TTLL5: variants seen among roughly 807,000 people sequenced by gnomAD.
The protein encoded by TTLL5 is tubulin polyglutamylase TTLL5.
A neutral mutation model predicts 168.4 loss-of-function variants in TTLL5; 132 were observed. The ratio of observed to expected loss-of-function variants is 0.78; its 90% CI spans 0.68 to 0.91. The LOEUF (loss-of-function observed/expected upper bound fraction) is 0.91. Ranked by LOEUF, TTLL5 falls within the 40% of genes least tolerant of loss-of-function variation. The pLI is 0.00. For synonymous variants in TTLL5, 546 were observed against 558.6 expected (o/e 0.98, Z 0.32); for missense variants, 1,545 against 1,581.5 (o/e 0.98, Z 0.39).
intron 3 of TTLL5, 44 bp downstream of exon 3, chr14:75,669,566 C>T (rs1371084662): frequency 3.9e-6 from 6 of 1,547,404 alleles, no homozygotes; most frequent in Admixed American, 3.7e-5. Flanking sequence ...GGGCATGGCC[C>T]AGACGTCCTT....
At chr14:75,901,047 A>G (rs145424583) in intron 30 of TTLL5, among the ~76,000 whole-genome samples, 2 of 152,232 alleles carry the variant, frequency 1.3e-5, no homozygotes, top group Non-Finnish European at 2.9e-5. Context: ...AAAACAAAGA[A>G]CTGAGCATGT....
intron 31 of TTLL5, among the ~76,000 whole-genome samples, chr14:75,940,084 T>C (rs2034552240): frequency 3.5e-5 from 5 of 142,914 alleles, no homozygotes; most frequent in Admixed American, 2.1e-4. Context: ...AATCTTTTTT[T>C]TTTTTTTTTT....
In TTLL5 at chr14:75,771,844, A is replaced by T. The variant is rs1245235086; in HGVS notation, c.2126A>T (p.Asp709Val). 1.2e-6 allele frequency: 2 copies of T among 1,613,314 alleles called. No individual in the cohort carries two copies. Among genetic ancestry groups the T allele is most frequent in the South Asian group, 1.1e-5 (1 of 90,966 alleles). Residue 709 changes from aspartate (D) to valine (V), a missense_variant, in exon 21 of 32, where the codon GAT (aspartate) becomes GTT (valine). Physicochemically the swap from Asp to Val is radical, Grantham distance 152 (BLOSUM62 -3). Transcript: ENST00000298832. ...TFSASWAAKE[D>V]EQMELVVRFL... is the part of the protein sequence containing the mutation. ...AGTGCCAGTTGGGCTGCCAAAGAGGATGAACAGATGGTAAGGCTTTTCTTA... is the reference window on the plus strand; with the variant it reads ...AGTGCCAGTTGGGCTGCCAAAGAGGTTGAACAGATGGTAAGGCTTTTCTTA...
At chr14:75,953,312 A>G (rs1303918044) in intron 31 of TTLL5, among the ~76,000 whole-genome samples, 8 of 152,230 alleles carry the variant, frequency 5.3e-5, no homozygotes, top group Admixed American at 4.6e-4. Flanking sequence ...TGTAAATTGT[A>G]TAATCACTTT....
chr14:75,819,664 G>T (rs959140651), intron 27 of TTLL5, among the ~76,000 whole-genome samples: 2 of 152,110 alleles, frequency 1.3e-5, no homozygotes, highest in African/African-American at 4.8e-5. Context: ...AGGTAACAAG[G>T]GCAGAAAGAC....
intron 26 of TTLL5, among the ~76,000 whole-genome samples, chr14:75,790,306 A>G (rs1892623478): frequency 6.6e-6 from 1 of 152,168 alleles, no homozygotes; most frequent in South Asian, 2.1e-4. Flanking sequence ...GTGTAAGTCA[A>G]TAAGAAAAAG....
chr14:75,697,317 G>A (rs1248656299), intron 6 of TTLL5, among the ~76,000 whole-genome samples: 1 of 152,194 alleles, frequency 6.6e-6, no homozygotes, highest in Non-Finnish European at 1.5e-5. Context: ...TTATAACACA[G>A]CATTGAAAAT....
chr14:75,692,884 A>G (rs1480522823), intron 6 of TTLL5, among the ~76,000 whole-genome samples: 1 of 152,124 alleles, frequency 6.6e-6, no homozygotes, highest in East Asian at 1.9e-4. Context: ...TGCAGGTGGC[A>G]GTTGTAAGAG....
intron 5 of TTLL5, among the ~76,000 whole-genome samples, chr14:75,688,714 C>A (rs1885242706): frequency 6.6e-6 from 1 of 152,100 alleles, no homozygotes; most frequent in Admixed American, 6.5e-5. Flanking sequence ...TTAGAGGACA[C>A]CCACTGCAAG....
Position 75,754,500 on chromosome 14 carries a change from TG to T in TTLL5, c.1550+1547del, listed in dbSNP as rs367715942. On this transcript the variant is annotated intron_variant, in intron 18 of 31. Coordinates refer to ENST00000298832, the MANE Select transcript of TTLL5 (RefSeq NM_015072.5). ...CTGACATGGACACTGCACTTGAGGC[TG>T]GATCTTTCTATACTTGAATTTCCCA... is the stretch of plus-strand genomic sequence containing the variant. 1.9e-3 allele frequency among the ~76,000 whole-genome samples: 291 copies of T among 152,318 alleles called. 1 individual carries two copies. The highest frequency in any genetic ancestry group is 6.7e-3 in the African/African-American group (280 of 41,576).
chr14:75,726,187 G>GA (rs1390127542), intron 12 of TTLL5, among the ~76,000 whole-genome samples: 1 of 152,076 alleles, frequency 6.6e-6, no homozygotes. Flanking sequence ...ATTTTCTTGA[G>GA]AAAATCTTTA....
intron 28 of TTLL5, among the ~76,000 whole-genome samples, chr14:75,827,598 T>C (rs143392085): frequency 8.0e-4 from 122 of 151,946 alleles, no homozygotes; most frequent in African/African-American, 1.9e-3. Context: ...ACCATTCGTA[T>C]GCTTCAGGAG....
At chr14:75,770,670 G>T (rs1295129540) in intron 20 of TTLL5, among the ~76,000 whole-genome samples, 4 of 152,214 alleles carry the variant, frequency 2.6e-5, no homozygotes, top group African/African-American at 4.8e-5. Context: ...CCAAACTATA[G>T]CTTGATCAGA....
At chr14:75,873,002 C>A (rs1000945671) in intron 29 of TTLL5, among the ~76,000 whole-genome samples, 12 of 151,200 alleles carry the variant, frequency 7.9e-5, no homozygotes, top group African/African-American at 2.9e-4. Flanking sequence ...GTAAATGTAT[C>A]CTCTTAACAA....
chr14:75,666,089 A>C (rs1346082674), intron 2 of TTLL5, among the ~76,000 whole-genome samples: 1 of 152,144 alleles, frequency 6.6e-6, no homozygotes, highest in Non-Finnish European at 1.5e-5. Context: ...TCATCAGCTT[A>C]TGTCTTGTCT....
At chr14:75,795,112 G>T (rs1411798182) in intron 27 of TTLL5, among the ~76,000 whole-genome samples, 3 of 151,922 alleles carry the variant, frequency 2.0e-5, no homozygotes, top group African/African-American at 7.3e-5. Context: ...CTAGCTGTGT[G>T]ATCTTGGACA....
intron 18 of TTLL5, chr14:75,757,759 A>ATG: frequency 1.4e-6 from 2 of 1,380,102 alleles, no homozygotes; most frequent in Non-Finnish European, 9.7e-7. Context: ...TCTGGAGTGC[A>ATG]TGTGTGTGTG....
intron 29 of TTLL5, among the ~76,000 whole-genome samples, chr14:75,877,599 G>A (rs1156298638): frequency 6.6e-6 from 1 of 152,212 alleles, no homozygotes; most frequent in Non-Finnish European, 1.5e-5. Flanking sequence ...CTTGAGTGGA[G>A]GCCAGTGCTT....
intron 29 of TTLL5, among the ~76,000 whole-genome samples, chr14:75,877,782 G>C (rs983029927): frequency 2.6e-4 from 39 of 152,170 alleles, no homozygotes; most frequent in African/African-American, 9.4e-4. Context: ...TCACATGATG[G>C]AGCAGTTCAG....
Sources: allele counts gnomAD v4.1 joint callset (sites outside exome capture counted in the v4.1 genomes callset), GRCh38; gene constraint gnomAD v4.1.1; transcripts MANE v1.5; gene names NCBI Gene and HGNC (gene_info 2026-07-23, HGNC 2026-07-21).